The following IRF2 variants were observed in gnomAD, a reference collection of about 807,000 sequenced individuals.
IRF2 encodes the protein interferon regulatory factor 2.
Under a neutral mutation model 40.6 loss-of-function variants are expected in IRF2, and 15 were observed. The ratio of observed to expected loss-of-function variants is 0.37; its 90% CI spans 0.25 to 0.57. The LOEUF (loss-of-function observed/expected upper bound fraction) is 0.57, where lower values mean the gene tolerates loss of function less well. Among genes scored for constraint, IRF2 ranks in the 20% least tolerant of loss-of-function variants. IRF2 has a pLI of 0.77. For missense variants in IRF2, 317 were observed against 455.7 expected (o/e 0.70, Z 2.77); for synonymous variants, 151 against 165.5 (o/e 0.91, Z 0.67).
At chr4:184,392,020 T>C (rs1016036618) in intron 7 of IRF2, among the ~76,000 whole-genome samples, 3 of 152,244 alleles carry the variant, frequency 2.0e-5, no homozygotes, top group Admixed American at 6.5e-5. Context: ...GCTGGATTAA[T>C]GGAATCGAAG....
At position 184,388,742 on chromosome 4, in the gene IRF2, G is replaced by A. The variant is rs368840150; in HGVS notation, c.*16C>T. 4.2e-5 allele frequency: 66 copies of A among 1,587,672 alleles called. No individual in the cohort carries two copies. The African/African-American group carries it at 6.2e-4, about 15-fold the overall frequency. On this transcript the variant is annotated 3_prime_UTR_variant, in exon 9 of 9. Coordinates refer to ENST00000393593, the MANE Select transcript of IRF2 (RefSeq NM_002199.4). The surrounding 1 kb of genome is among the most constrained non-coding windows in gnomAD (Gnocchi z 4.6). ...AAGCCAAGAAGCCCCAACAACCACC[G>A]CGGAGAGTCAGAGGCTTAACAGCTC...
chr4:184,466,106 G>T (rs1739309470), intron 1 of IRF2, among the ~76,000 whole-genome samples: 1 of 146,434 alleles, frequency 6.8e-6, no homozygotes, highest in South Asian at 2.2e-4. Flanking sequence ...TGTCACCCAA[G>T]CTGGTGCGAT....
chr4:184,418,113 G>A lies in IRF2; in HGVS notation c.411+54C>T, dbSNP rs371180257. On this transcript the variant is annotated intron_variant, in intron 5 of 8. Transcript: ENST00000393593. The stretch of plus-strand genomic sequence containing the variant: ...GACTCATCTTTACAAGGCAGAATAT[G>A]AGTCATTAATAGGATCCCAACTTTG... 100 of 1,328,026 alleles carry A rather than the reference G, an allele frequency of 7.5e-5. 1 individual carries two copies. In the African/African-American group the frequency reaches 1.2e-3, roughly 16 times the overall value. The allele number at this position is 1,328,026 out of a possible 1,614,324, so 82.3% of individuals were successfully genotyped here. A position where few individuals can be genotyped will look rare whatever the true frequency, so the allele number is the denominator to read the frequency against.
At chr4:184,415,040 C>T (rs1414489966) in intron 5 of IRF2, among the ~76,000 whole-genome samples, 1 of 152,122 alleles carries the variant, frequency 6.6e-6, no homozygotes, top group Non-Finnish European at 1.5e-5. Context: ...CAATTCCAGA[C>T]GCCCTAGGGA....
At chr4:184,454,382 G>A (rs1462186687) in intron 1 of IRF2, among the ~76,000 whole-genome samples, 1 of 152,124 alleles carries the variant, frequency 6.6e-6, no homozygotes, top group Non-Finnish European at 1.5e-5. Flanking sequence ...TACAGTTTCC[G>A]CTAGTTTGAT....
intron 1 of IRF2, among the ~76,000 whole-genome samples, chr4:184,455,693 G>A (rs1738898725): frequency 6.6e-6 from 1 of 152,058 alleles, no homozygotes; most frequent in East Asian, 1.9e-4. Context: ...ACGTTGTGAT[G>A]GATAAACTTA....
At chr4:184,393,022 A>C (rs1736314215) in intron 7 of IRF2, among the ~76,000 whole-genome samples, 2 of 152,226 alleles carry the variant, frequency 1.3e-5, no homozygotes, top group Admixed American at 1.3e-4. Flanking sequence ...GTTTCCACGC[A>C]GAAACACATG....
intron 1 of IRF2, among the ~76,000 whole-genome samples, chr4:184,456,649 G>C (rs1738947112): frequency 6.6e-6 from 1 of 152,240 alleles, no homozygotes; most frequent in Admixed American, 6.5e-5. Flanking sequence ...CTCCCTACCG[G>C]GAAACCGGGT....
rs1402770691 is a variant in IRF2 at position 184,392,789 on chromosome 4, C to T, written c.695-2040G>A. 3.9e-5 allele frequency among the ~76,000 whole-genome samples: 6 copies of T among 152,182 alleles called. No homozygotes were observed. The East Asian group carries it at 7.7e-4, about 20-fold the overall frequency. ...CTGGTCCCAGCCTGGAGTCTCTGGG[C>T]CTGTTTCTCAGCCACTGTTCTCCAG... On this transcript the variant is annotated intron_variant, in intron 7 of 8. Transcript: ENST00000393593.
chr4:184,444,594 T>C (rs1461870508), intron 1 of IRF2, among the ~76,000 whole-genome samples: 1 of 152,232 alleles, frequency 6.6e-6, no homozygotes, highest in African/African-American at 2.4e-5. Flanking sequence ...ATTATTTATA[T>C]AGCAAAACTA....
At chr4:184,471,553 G>A (rs1029031474) in intron 1 of IRF2, among the ~76,000 whole-genome samples, 3 of 152,156 alleles carry the variant, frequency 2.0e-5, no homozygotes, top group Non-Finnish European at 2.9e-5. Context: ...CTATCAAAAG[G>A]ATATTATGTG....
chr4:184,422,055 C>T (rs1463974733), intron 2 of IRF2, among the ~76,000 whole-genome samples: 1 of 151,706 alleles, frequency 6.6e-6, no homozygotes, highest in Non-Finnish European at 1.5e-5. Flanking sequence ...AACAGCCTGT[C>T]GCCTGCACCA....
At chr4:184,447,229 C>CA (rs1176029712) in intron 1 of IRF2, among the ~76,000 whole-genome samples, 1 of 151,698 alleles carries the variant, frequency 6.6e-6, no homozygotes, top group Non-Finnish European at 1.5e-5. Flanking sequence ...AGCAACATGT[C>CA]AAAAAAAAGT....
intron 2 of IRF2, among the ~76,000 whole-genome samples, chr4:184,424,834 T>G (rs1737611404): frequency 6.6e-6 from 1 of 152,262 alleles, no homozygotes; most frequent in Non-Finnish European, 1.5e-5. Context: ...TGGAGTAGGT[T>G]GAATGGACTT....
At chr4:184,435,925 T>G (rs1207849674) in intron 1 of IRF2, among the ~76,000 whole-genome samples, 2 of 152,084 alleles carry the variant, frequency 1.3e-5, no homozygotes, top group Non-Finnish European at 2.9e-5. Flanking sequence ...AACATAACAT[T>G]ACCCTAGGAT....
At position 184,388,801 on chromosome 4, in the gene IRF2, T is replaced by C. The variant is rs1184615852; in HGVS notation, c.1007A>G (p.Lys336Arg). The C allele has an allele frequency of 2.5e-6, 4 of 1,613,472 alleles. No homozygotes were observed. Among genetic ancestry groups the C allele is most frequent in the East Asian group, 2.2e-5 (1 of 44,890 alleles). Residue 336 changes from lysine to arginine, a missense_variant, in exon 9 of 9, where the codon AAG (lysine) becomes AGG (arginine). Coordinates refer to ENST00000393593, the MANE Select transcript of IRF2 (RefSeq NM_002199.4). The surrounding 1 kb of genome is among the most constrained non-coding windows in gnomAD (Gnocchi z 4.6). ...GGCCTGGGTGATATCCGATGTTTTC[T>C]TGATGACGCTGGCCCGGGTCTCCCG... ...PDRETRASVI[K>R]KTSDITQARV...
intron 6 of IRF2, among the ~76,000 whole-genome samples, chr4:184,406,024 G>A (rs372528772): frequency 9.2e-4 from 140 of 152,188 alleles, no homozygotes; most frequent in African/African-American, 3.2e-3. Flanking sequence ...ATATTGCGAT[G>A]TAAGGGTTCA....
chr4:184,458,590 G>A (rs1407717828), intron 1 of IRF2, among the ~76,000 whole-genome samples: 1 of 152,148 alleles, frequency 6.6e-6, no homozygotes, highest in East Asian at 1.9e-4. Flanking sequence ...AGCCTGAAGA[G>A]AATAAAAATT....
intron 2 of IRF2, among the ~76,000 whole-genome samples, chr4:184,426,604 T>C (rs73007044): frequency 0.019 from 2,920 of 152,276 alleles, 73 homozygotes; most frequent in African/African-American, 0.064. Flanking sequence ...TGTGGACATA[T>C]CTTCTCCGGG....
Sources: gnomAD v4.1 joint callset for allele counts (sites outside exome capture counted in the v4.1 genomes callset) on GRCh38, gnomAD v4.1.1 for gene constraint, Gnocchi (gnomAD v3.1) non-coding constraint, MANE v1.5 for transcripts, NCBI Gene and HGNC (gene_info 2026-07-23, HGNC 2026-07-21) for gene names.